BBX: variants seen among roughly 807,000 people sequenced by gnomAD.
BBX encodes the protein HMG box transcription factor BBX.
BBX carries 30 observed loss-of-function variants against 100.2 expected under a neutral mutation model. The ratio of observed to expected loss-of-function variants is 0.30; its 90% CI spans 0.22 to 0.41. The LOEUF (loss-of-function observed/expected upper bound fraction) is 0.41, where lower values mean the gene tolerates loss of function less well. Ranked by LOEUF, BBX falls within the 10% of genes least tolerant of loss-of-function variation. BBX has a pLI of 1.00. For missense variants in BBX, 1,023 were observed against 1,129.8 expected (o/e 0.91, Z 1.35); for synonymous variants, 376 against 388.1 (o/e 0.97, Z 0.37).
intron 2 of BBX, among the ~76,000 whole-genome samples, chr3:107,553,329 A>G (rs546538600): frequency 6.6e-6 from 1 of 152,344 alleles, no homozygotes; most frequent in South Asian, 2.1e-4. Flanking sequence ...ATCTATGAAG[A>G]ACCTAAGACT....
chr3:107,791,182 G>T, intron 14 of BBX, 58 bp from the exon 15 acceptor site: 2 of 1,414,722 alleles, frequency 1.4e-6, no homozygotes, highest in South Asian at 2.4e-5. Context: ...TTTGTAGTAT[G>T]GGGAATCTAC....
At position 107,801,177 on chromosome 3, in the gene BBX, C is replaced by T. The variant is rs1355566101; in HGVS notation, c.2634C>T (p.Thr878=). 7 of 1,614,202 alleles carry T rather than the reference C, an allele frequency of 4.3e-6. No homozygotes were observed. The highest frequency in any genetic ancestry group is 2.2e-5 in the East Asian group (1 of 44,886). The change falls in exon 17 of 18, where the codon ACC becomes ACT. Residue 878 remains threonine (T), a synonymous_variant. Coordinates refer to ENST00000325805, the MANE Select transcript of BBX (RefSeq NM_001142568.3). ...TDCNDKCSHN[T]EVGETRSSTP... is the part of the protein sequence containing the mutation. Reference sequence around the variant, plus strand: ...GCAATGACAAATGCTCACACAACACCGAGGTCGGGGAGACGCGGAGCAGTA... The same window carrying T: ...GCAATGACAAATGCTCACACAACACTGAGGTCGGGGAGACGCGGAGCAGTA...
chr3:107,797,799 A>C (rs915228333), intron 15 of BBX, among the ~76,000 whole-genome samples: 1 of 152,164 alleles, frequency 6.6e-6, no homozygotes, highest in African/African-American at 2.4e-5. Flanking sequence ...AGAATATAGG[A>C]GTGTGCTATC....
At chr3:107,688,870 G>A (rs939120886) in intron 3 of BBX, among the ~76,000 whole-genome samples, 1 of 152,104 alleles carries the variant, frequency 6.6e-6, no homozygotes, top group African/African-American at 2.4e-5. Flanking sequence ...GTACAGATTT[G>A]GCAGTCATCA....
intron 10 of BBX, among the ~76,000 whole-genome samples, chr3:107,760,708 G>A (rs1292949743): frequency 8.4e-4 from 3 of 3,574 alleles, no homozygotes; most frequent in Non-Finnish European, 0.019. Context: ...CCAAGCACAG[G>A]GGAAAAAACT....
At chr3:107,666,664 C>T (rs546832442) in intron 3 of BBX, among the ~76,000 whole-genome samples, 4 of 152,280 alleles carry the variant, frequency 2.6e-5, no homozygotes, top group East Asian at 1.9e-4. Flanking sequence ...CTCCCGGTCC[C>T]GGATTCAAGC....
chr3:107,802,969 C>G (rs1226954805), intron 17 of BBX, among the ~76,000 whole-genome samples: 2 of 152,184 alleles, frequency 1.3e-5, no homozygotes, highest in Non-Finnish European at 2.9e-5. Flanking sequence ...ATGCTCACAC[C>G]TCTCTCAGAC....
chr3:107,564,683 TG>T (rs1285152816), intron 2 of BBX, among the ~76,000 whole-genome samples: 28 of 152,336 alleles, frequency 1.8e-4, no homozygotes, highest in African/African-American at 4.1e-4. Flanking sequence ...GTTTTTGAGA[TG>T]TTTTTTTGAA....
chr3:107,629,175 C>G (rs1200658077), intron 2 of BBX, among the ~76,000 whole-genome samples: 1 of 152,006 alleles, frequency 6.6e-6, no homozygotes, highest in Non-Finnish European at 1.5e-5. Flanking sequence ...TCAGGTTGTT[C>G]AGTAGCTTTT....
rs559375747 is a variant in BBX at position 107,528,281 on chromosome 3, C to T, written c.-84+1883C>T. On this transcript the variant is annotated intron_variant, in intron 2 of 17. Transcript: ENST00000325805. ...CATTTCCAAGTGTTTCCAAACTTCC[C>T]ATTTTATTATTCTGCATGTCTCTGT... Among the ~76,000 whole-genome samples the T allele has an allele frequency of 1.7e-3, 255 of 152,240 alleles. 1 individual carries two copies. Among genetic ancestry groups the T allele is most frequent in the African/African-American group, 6.0e-3 (249 of 41,568 alleles).
chr3:107,692,005 A>C (rs1287672204), intron 3 of BBX, among the ~76,000 whole-genome samples: 1 of 152,124 alleles, frequency 6.6e-6, no homozygotes, highest in Non-Finnish European at 1.5e-5. Flanking sequence ...ACTGTTACTT[A>C]AGTTATTCAC....
intron 3 of BBX, among the ~76,000 whole-genome samples, chr3:107,683,998 C>T (rs530225155): frequency 6.6e-6 from 1 of 152,262 alleles, no homozygotes; most frequent in South Asian, 2.1e-4. Flanking sequence ...CCTACTGTTG[C>T]TCTCTACTAA....
chr3:107,732,170 G>C (rs1354411997), intron 6 of BBX, among the ~76,000 whole-genome samples: 2 of 151,932 alleles, frequency 1.3e-5, no homozygotes, highest in Non-Finnish European at 2.9e-5. Flanking sequence ...CTCCTGCCTT[G>C]GCCTCCCAAA....
intron 2 of BBX, among the ~76,000 whole-genome samples, chr3:107,616,005 C>CTTTTTTTTTTTTTTTTTTTTTT (rs59614452): frequency 5.2e-5 from 1 of 19,248 alleles, no homozygotes; most frequent in African/African-American, 2.5e-4. Flanking sequence ...TACTCACCTG[C>CTTTTTTTTTTTTTTTTTTTTTT]TTTTTTTTTT....
intron 13 of BBX, among the ~76,000 whole-genome samples, chr3:107,779,423 A>G (rs1378932342): frequency 2.0e-5 from 3 of 152,236 alleles, no homozygotes; most frequent in South Asian, 2.1e-4. Flanking sequence ...TTCCATACAT[A>G]TATGAAATAC....
chr3:107,651,704 A>G (rs768321810), intron 3 of BBX, among the ~76,000 whole-genome samples: 5 of 152,202 alleles, frequency 3.3e-5, no homozygotes, highest in Admixed American at 6.5e-5. Flanking sequence ...AAATAATGCC[A>G]ACAGAAGTCA....
intron 3 of BBX, among the ~76,000 whole-genome samples, chr3:107,693,299 C>T (rs1365789225): frequency 6.6e-6 from 1 of 151,760 alleles, no homozygotes; most frequent in Non-Finnish European, 1.5e-5. Flanking sequence ...ATGGTAATGC[C>T]TAGGTTTTCT....
At chr3:107,737,695 A>C (rs1275616684) in intron 7 of BBX, among the ~76,000 whole-genome samples, 6 of 152,130 alleles carry the variant, frequency 3.9e-5, no homozygotes, top group Non-Finnish European at 8.8e-5. Flanking sequence ...TCAAGTTTTT[A>C]GATATAGCAA....
intron 3 of BBX, among the ~76,000 whole-genome samples, chr3:107,695,599 G>A (rs1166779512): frequency 6.6e-6 from 1 of 151,188 alleles, no homozygotes; most frequent in African/African-American, 2.5e-5. Flanking sequence ...ATTTGCTGAG[G>A]AGAGCTTTAC....
Sources: allele counts gnomAD v4.1 joint callset (sites outside exome capture counted in the v4.1 genomes callset), GRCh38; gene constraint gnomAD v4.1.1; transcripts MANE v1.5; gene names NCBI Gene and HGNC (gene_info 2026-07-23, HGNC 2026-07-21).